The following FCHSD2 variants were observed in gnomAD, a reference collection of about 807,000 sequenced individuals.
FCHSD2 encodes the protein F-BAR and double SH3 domains protein 2.
FCHSD2 carries 38 observed loss-of-function variants against 108.1 expected under a neutral mutation model. The ratio of observed to expected loss-of-function variants is 0.35; its 90% CI spans 0.27 to 0.46. The LOEUF (loss-of-function observed/expected upper bound fraction) is 0.46. FCHSD2 is among the 20% of genes least tolerant of loss of function. The pLI, the probability that FCHSD2 is intolerant of heterozygous loss-of-function variation, is 1.00. For missense variants in FCHSD2, 751 were observed against 897.8 expected (o/e 0.84, Z 2.09); for synonymous variants, 279 against 314.7 (o/e 0.89, Z 1.20).
chr11:73,100,078 C>T (rs1043252380), intron 2 of FCHSD2, among the ~76,000 whole-genome samples: 3 of 152,166 alleles, frequency 2.0e-5, no homozygotes, highest in Non-Finnish European at 2.9e-5. Context: ...TCAGCCCTTC[C>T]GCTTCCTACA....
intron 8 of FCHSD2, among the ~76,000 whole-genome samples, chr11:72,978,791 ATGCGGAAC>A (rs1222134606): frequency 6.6e-6 from 1 of 151,296 alleles, no homozygotes; most frequent in Non-Finnish European, 1.5e-5. Flanking sequence ...CTCCCCAGCC[ATGCGGAAC>A]TGAGTCAATT....
intron 10 of FCHSD2, among the ~76,000 whole-genome samples, chr11:72,901,863 TG>T (rs1480826373): frequency 1.3e-5 from 2 of 151,438 alleles, no homozygotes; most frequent in African/African-American, 2.5e-5. Context: ...AATTCTATTC[TG>T]GTTTTTTTTT....
At chr11:73,102,304 G>A (rs1026967742) in intron 2 of FCHSD2, among the ~76,000 whole-genome samples, 1 of 152,054 alleles carries the variant, frequency 6.6e-6, no homozygotes, top group Non-Finnish European at 1.5e-5. Context: ...ATAGACTCTG[G>A]GGAAATTTTT....
At chr11:72,947,843 C>T (rs995489271) in intron 8 of FCHSD2, among the ~76,000 whole-genome samples, 6 of 152,050 alleles carry the variant, frequency 3.9e-5, no homozygotes, top group Non-Finnish European at 5.9e-5. Context: ...ACTTATAAAA[C>T]AGACTTTAAA....
At chr11:73,052,684 T>TG (rs1459733262) in intron 3 of FCHSD2, among the ~76,000 whole-genome samples, 18 of 152,292 alleles carry the variant, frequency 1.2e-4, no homozygotes, top group African/African-American at 4.3e-4. Flanking sequence ...ATTGGACAAT[T>TG]GGATTTATTC....
At chr11:72,871,902 T>A (rs1210481959) in intron 12 of FCHSD2, among the ~76,000 whole-genome samples, 2 of 152,026 alleles carry the variant, frequency 1.3e-5, no homozygotes, top group African/African-American at 2.4e-5. Context: ...GGTACATAAT[T>A]TTGATTTCCC....
chr11:73,081,869 TG>T (rs1324366944), intron 3 of FCHSD2, among the ~76,000 whole-genome samples: 3 of 152,168 alleles, frequency 2.0e-5, no homozygotes, highest in Non-Finnish European at 2.9e-5. Context: ...ATTCAATAAA[TG>T]TCAGCTATCA....
intron 13 of FCHSD2, among the ~76,000 whole-genome samples, chr11:72,861,387 A>C (rs1262376231): frequency 2.3e-5 from 1 of 43,650 alleles, no homozygotes; most frequent in East Asian, 8.1e-4. Context: ...CTATTATTTA[A>C]AAACTTCCAA....
At chr11:73,028,281 A>G (rs1271068501) in intron 3 of FCHSD2, among the ~76,000 whole-genome samples, 1 of 152,328 alleles carries the variant, frequency 6.6e-6, no homozygotes, top group East Asian at 1.9e-4. Flanking sequence ...GGGAGCCCAC[A>G]TCTTGCAACA....
At chr11:72,960,125 T>C (rs1174915288) in intron 8 of FCHSD2, among the ~76,000 whole-genome samples, 11 of 152,088 alleles carry the variant, frequency 7.2e-5, no homozygotes, top group Non-Finnish European at 1.5e-4. Flanking sequence ...AGTGCCAGGA[T>C]CTATTTCTGG....
At chr11:73,084,439 T>C (rs185937131) in intron 2 of FCHSD2, among the ~76,000 whole-genome samples, 1 of 152,318 alleles carries the variant, frequency 6.6e-6, no homozygotes, top group African/African-American at 2.4e-5. Context: ...TGCCTAGGCT[T>C]GAGTGCGGCG....
intron 8 of FCHSD2, chr11:72,940,711 A>G (rs894457610): frequency 7.4e-5 from 73 of 989,080 alleles, no homozygotes; most frequent in Non-Finnish European, 1.1e-4. Flanking sequence ...TGGTGGCAGA[A>G]AACGCCCAGT....
intron 13 of FCHSD2, among the ~76,000 whole-genome samples, chr11:72,858,685 T>C (rs868331892): frequency 6.6e-6 from 1 of 152,228 alleles, no homozygotes; most frequent in Middle Eastern, 3.4e-3. Context: ...AACACCTGGG[T>C]GATGAAATAA....
chr11:73,088,873 A>C (rs1229561588), intron 2 of FCHSD2, among the ~76,000 whole-genome samples: 1 of 152,214 alleles, frequency 6.6e-6, no homozygotes, highest in Non-Finnish European at 1.5e-5. Context: ...GGAAATATTT[A>C]AATTATGTAT....
chr11:72,916,258 C>CA, intron 9 of FCHSD2, among the ~76,000 whole-genome samples: 1 of 145,558 alleles, frequency 6.9e-6, no homozygotes, highest in Non-Finnish European at 1.5e-5. Flanking sequence ...TTAATCTTTT[C>CA]AAAAAACTAG....
intron 7 of FCHSD2, 85 bp downstream of exon 7, chr11:72,984,977 T>G: frequency 1.6e-6 from 1 of 643,708 alleles, no homozygotes; most frequent in Non-Finnish European, 2.8e-6. Flanking sequence ...GTAGAAATAA[T>G]CCACCTCCAC....
At chr11:73,077,967 G>C (rs1045476441) in intron 3 of FCHSD2, among the ~76,000 whole-genome samples, 1 of 152,170 alleles carries the variant, frequency 6.6e-6, no homozygotes, top group African/African-American at 2.4e-5. Context: ...AGTGAGGGCA[G>C]TAATGGCAGG....
intron 12 of FCHSD2, among the ~76,000 whole-genome samples, chr11:72,884,442 G>A (rs189192090): frequency 5.3e-5 from 8 of 150,520 alleles, no homozygotes; most frequent in Admixed American, 4.0e-4. Context: ...CAGGCCCAGA[G>A]GTAATATAAA....
rs770593555 is a variant in FCHSD2, at chr11:72,843,209, C to A, written c.1647G>T (p.Thr549=). The change falls in exon 16 of 20, where the codon ACG becomes ACT. Residue 549 remains threonine (T), a synonymous_variant. Transcript: ENST00000409418. Reference sequence around the variant, plus strand: ...GTTCTGCTTCCGTGGAATTGCTGGACGTGTGTGACCGACTGTCCAAAGCGG... The same window carrying A: ...GTTCTGCTTCCGTGGAATTGCTGGAAGTGTGTGACCGACTGTCCAAAGCGG... ...SLAALDSRSH[T]SSNSTEAELV... is the part of the protein sequence containing the mutation. 6.2e-7 allele frequency: 1 copy of A among 1,613,956 alleles called. No individual in the cohort carries two copies. The highest frequency in any genetic ancestry group is 8.5e-7 in the Non-Finnish European group (1 of 1,179,884).
Sources: gnomAD v4.1 joint callset for allele counts (sites outside exome capture counted in the v4.1 genomes callset) on GRCh38, gnomAD v4.1.1 for gene constraint, MANE v1.5 for transcripts, NCBI Gene and HGNC (gene_info 2026-07-23, HGNC 2026-07-21) for gene names.